COMMD10: variants seen among roughly 807,000 people sequenced by gnomAD.
The protein encoded by COMMD10 is COMM domain containing 10, also known as COMM domain-containing protein 10.
COMMD10 carries 33 observed loss-of-function variants against 28.9 expected under a neutral mutation model. The observed-to-expected ratio is 1.14, with a 90% CI of 0.87 to 1.53. The LOEUF (loss-of-function observed/expected upper bound fraction) is 1.53. Among genes scored for constraint, COMMD10 ranks in the 40% most tolerant of loss-of-function variants. The pLI is 0.00. For synonymous variants in COMMD10, 110 were observed against 81.7 expected, an observed-to-expected ratio of 1.35 and a Z score of -1.87; for missense variants, 310 against 233.4, an observed-to-expected ratio of 1.33 and a Z score of -2.14.
At chr5:116,286,155 C>G (rs900619283) in intron 5 of COMMD10, among the ~76,000 whole-genome samples, 2 of 151,638 alleles carry the variant, frequency 1.3e-5, no homozygotes, top group African/African-American at 4.9e-5. Context: ...AACAGTTGTT[C>G]ATAGTGGTCT....
At chr5:116,192,559 TAAGA>T (rs1261817373) in intron 5 of COMMD10, among the ~76,000 whole-genome samples, 3 of 152,168 alleles carry the variant, frequency 2.0e-5, no homozygotes, top group South Asian at 2.1e-4. Flanking sequence ...TGAACAATTA[TAAGA>T]AAGAAATTCA....
chr5:116,196,156 A>C (rs541458964), intron 5 of COMMD10, among the ~76,000 whole-genome samples: 2 of 152,218 alleles, frequency 1.3e-5, no homozygotes, highest in African/African-American at 4.8e-5. Context: ...TAACAGCACA[A>C]TTCACAAATA....
At chr5:116,269,137 AAATT>A (rs1660580458) in intron 5 of COMMD10, among the ~76,000 whole-genome samples, 1 of 151,862 alleles carries the variant, frequency 6.6e-6, no homozygotes, top group Non-Finnish European at 1.5e-5. Flanking sequence ...AACAGAAAAA[AAATT>A]GGTTTTTACT....
intron 5 of COMMD10, among the ~76,000 whole-genome samples, chr5:116,262,347 G>A (rs535494244): frequency 6.6e-6 from 1 of 151,778 alleles, no homozygotes; most frequent in East Asian, 1.9e-4. Flanking sequence ...TCTTCGTGTT[G>A]CCTTTTGAAA....
intron 5 of COMMD10, among the ~76,000 whole-genome samples, chr5:116,168,531 T>G (rs34630728): frequency 0.017 from 2,505 of 151,002 alleles, 26 homozygotes; most frequent in Middle Eastern, 0.062. Context: ...GAGTATATAT[T>G]CTTCTCAGCA....
intron 5 of COMMD10, among the ~76,000 whole-genome samples, chr5:116,252,089 A>C (rs987492741): frequency 6.7e-6 from 1 of 149,388 alleles, no homozygotes; most frequent in African/African-American, 2.5e-5. Flanking sequence ...TGGCTGCATA[A>C]ATGTCTTCTT....
chr5:116,240,887 C>T (rs536040333), intron 5 of COMMD10, among the ~76,000 whole-genome samples: 1 of 152,158 alleles, frequency 6.6e-6, no homozygotes, highest in African/African-American at 2.4e-5. Flanking sequence ...GCTGGCTCCT[C>T]AAAATGTAAA....
chr5:116,197,685 G>T (rs1020993948), intron 5 of COMMD10, among the ~76,000 whole-genome samples: 1 of 152,020 alleles, frequency 6.6e-6, no homozygotes, highest in African/African-American at 2.4e-5. Flanking sequence ...CCTGGCCCCA[G>T]ATTTTTATTG....
intron 5 of COMMD10, among the ~76,000 whole-genome samples, chr5:116,264,136 G>A (rs1306891390): frequency 2.0e-5 from 3 of 151,722 alleles, no homozygotes; most frequent in Non-Finnish European, 4.4e-5. Flanking sequence ...AAACTCTTCT[G>A]TTTCCCAACT....
intron 5 of COMMD10, among the ~76,000 whole-genome samples, chr5:116,222,418 C>G (rs1580560853): frequency 6.6e-6 from 1 of 151,986 alleles, no homozygotes; most frequent in East Asian, 1.9e-4. Context: ...GTTTCTGTAC[C>G]CATTAGGGTA....
Position 116,292,532 on chromosome 5 carries a change from A to T in COMMD10, c.*43A>T. On this transcript the variant is annotated 3_prime_UTR_variant, in exon 7 of 7. Transcript: ENST00000274458. ...TTTTTCATCACGCTCCTGCCACCTC[A>T]TTATTTTGCATTGAAGATACATTGC... The T allele has an allele frequency of 6.6e-7, 1 of 1,511,090 alleles. No individual in the cohort carries two copies. The highest frequency in any genetic ancestry group is 9.0e-7 in the Non-Finnish European group (1 of 1,114,456). 93.6% of individuals were successfully genotyped at this position (1,511,090 alleles called of 1,614,324 possible).
In COMMD10 at chr5:116,085,279, C is replaced by T. The variant is rs1450416304; in HGVS notation, c.41+186C>T. The T allele has an allele frequency of 5.0e-6, 3 of 600,924 alleles. No individual in the cohort carries two copies. The South Asian group carries it at 6.1e-5, about 12-fold the overall frequency. 37.2% of individuals were successfully genotyped at this position (600,924 alleles called of 1,614,324 possible). A position where few individuals can be genotyped will look rare whatever the true frequency, so the allele number is the denominator to read the frequency against. The stretch of plus-strand genomic sequence containing the variant: ...GAGTGCGTGGGGCCGTGTAGCGCCT[C>T]TACAGTCACGGTGGTCCACCTGTGG... On this transcript the variant is annotated intron_variant, in intron 1 of 6. Coordinates refer to ENST00000274458, the MANE Select transcript of COMMD10 (RefSeq NM_016144.4).
At chr5:116,271,920 T>C (rs1222789014) in intron 5 of COMMD10, among the ~76,000 whole-genome samples, 1 of 151,880 alleles carries the variant, frequency 6.6e-6, no homozygotes, top group East Asian at 1.9e-4. Flanking sequence ...CTCTCAGTTT[T>C]ATATTTGTTA....
chr5:116,247,432 A>G (rs866155722), intron 5 of COMMD10, among the ~76,000 whole-genome samples: 3 of 152,272 alleles, frequency 2.0e-5, no homozygotes, highest in African/African-American at 4.8e-5. Flanking sequence ...ACCTAACAGC[A>G]GAAATACCAT....
rs377285337 is a variant in COMMD10 at position 116,185,567 on chromosome 5, TAGGG to T, written c.510+51393_510+51396del. ...ATGGGTGGGAGTTAGGGTGGGGAAG[TAGGG>T]AGGAATTCCATTCTGTCTTATTGCA... On this transcript the variant is annotated intron_variant, in intron 5 of 6. Coordinates refer to ENST00000274458, the MANE Select transcript of COMMD10 (RefSeq NM_016144.4). 1.0e-3 allele frequency among the ~76,000 whole-genome samples: 159 copies of T among 152,120 alleles called. 2 individuals carry two copies. The highest frequency in any genetic ancestry group is 3.8e-3 in the African/African-American group (157 of 41,526).
At chr5:116,282,465 T>C (rs1030391168) in intron 5 of COMMD10, among the ~76,000 whole-genome samples, 1 of 151,944 alleles carries the variant, frequency 6.6e-6, no homozygotes, top group South Asian at 2.1e-4. Context: ...ATCACTCTTA[T>C]ATCTAAAACT....
chr5:116,091,978 G>A (rs1405271359), intron 3 of COMMD10, among the ~76,000 whole-genome samples: 1 of 152,188 alleles, frequency 6.6e-6, no homozygotes, highest in Admixed American at 6.5e-5. Flanking sequence ...GATAAATGTG[G>A]TTCTAATTTT....
intron 5 of COMMD10, among the ~76,000 whole-genome samples, chr5:116,189,985 G>C (rs1231461313): frequency 6.6e-6 from 1 of 152,034 alleles, no homozygotes; most frequent in African/African-American, 2.4e-5. Context: ...CTTAGAGTAG[G>C]GCTACCTCCA....
At chr5:116,198,554 G>T (rs901562584) in intron 5 of COMMD10, among the ~76,000 whole-genome samples, 4 of 152,048 alleles carry the variant, frequency 2.6e-5, no homozygotes, top group Admixed American at 2.6e-4. Flanking sequence ...TAATATTAGG[G>T]TTCACTTTTG....
Sources: gnomAD v4.1 joint callset for allele counts (sites outside exome capture counted in the v4.1 genomes callset) on GRCh38, gnomAD v4.1.1 for gene constraint, MANE v1.5 for transcripts, NCBI Gene and HGNC (gene_info 2026-07-23, HGNC 2026-07-21) for gene names.